The following DLEC1 variants were observed in gnomAD, a reference collection of about 807,000 sequenced individuals.
DLEC1 encodes the protein deleted in lung and esophageal cancer protein 1.
Under a neutral mutation model 198.1 loss-of-function variants are expected in DLEC1, and 146 were observed. The ratio of observed to expected loss-of-function variants is 0.74; its 90% CI spans 0.64 to 0.85. DLEC1 has a LOEUF of 0.85. Ranked by LOEUF, DLEC1 falls within the 40% of genes least tolerant of loss-of-function variation. The probability of loss-of-function intolerance (pLI) is 0.00; values close to 1 mark genes in which losing one functional copy is unlikely to be tolerated. For synonymous variants in DLEC1, 897 were observed against 866.8 expected, an observed-to-expected ratio of 1.03 and a Z score of -0.61; for missense variants, 2,233 against 2,220.0, an observed-to-expected ratio of 1.01 and a Z score of -0.12.
At chr3:38,063,232 A>C (rs1354239853) in intron 5 of DLEC1, among the ~76,000 whole-genome samples, 2 of 152,238 alleles carry the variant, frequency 1.3e-5, no homozygotes, top group Non-Finnish European at 2.9e-5. Context: ...TCATGGGTTC[A>C]TAATTTTAGT....
chr3:38,088,842 G>A (rs1408160260), intron 10 of DLEC1, among the ~76,000 whole-genome samples: 1 of 152,050 alleles, frequency 6.6e-6, no homozygotes, highest in Non-Finnish European at 1.5e-5. Flanking sequence ...GCCTCATCCT[G>A]AACCTCTGCA....
intron 19 of DLEC1, among the ~76,000 whole-genome samples, chr3:38,105,049 C>A (rs1333183917): frequency 6.6e-6 from 1 of 151,808 alleles, no homozygotes; most frequent in East Asian, 1.9e-4. Context: ...CTTGTGGTTT[C>A]TTATTTGACT....
At position 38,116,198 on chromosome 3, in the gene DLEC1, A is replaced by C. The variant is rs919953792; in HGVS notation, c.3857-255A>C. Among the ~76,000 whole-genome samples, 18 of 152,310 alleles carry C rather than the reference A, an allele frequency of 1.2e-4. No individual in the cohort carries two copies. In the East Asian group the frequency reaches 3.1e-3, roughly 26 times the overall value. ...GAGAGCAGAGCACCTGCATTCAGGC[A>C]TCTGGACATGGAGACCTGGTCTTGT... On this transcript the variant is annotated intron_variant, in intron 27 of 36. Coordinates refer to ENST00000308059, the MANE Select transcript of DLEC1 (RefSeq NM_007335.4).
intron 2 of DLEC1, among the ~76,000 whole-genome samples, chr3:38,059,218 T>A (rs1165398322): frequency 1.3e-5 from 2 of 152,212 alleles, no homozygotes; most frequent in Non-Finnish European, 2.9e-5. Context: ...AGGTCTGCTC[T>A]GGATTCCCCC....
At chr3:38,118,144 G>A (rs1286549921) in intron 33 of DLEC1, 120 bp downstream of exon 33, 8 of 1,114,940 alleles carry the variant, frequency 7.2e-6, no homozygotes, top group Middle Eastern at 3.0e-4. Flanking sequence ...GCCTGACCCT[G>A]CCATACCCTG....
rs1698489967 is a variant in DLEC1 at position 38,086,974 on chromosome 3, T to C, written c.1572+597T>C. On this transcript the variant is annotated intron_variant, in intron 9 of 36. Transcript: ENST00000308059. ...CTGTAGTCCCAGCTACTCAGGAGGC[T>C]GAGGAAGGAGAATCACTTGAACCCG... 3.3e-5 allele frequency among the ~76,000 whole-genome samples: 5 copies of C among 150,424 alleles called. No individual in the cohort carries two copies. The Admixed American group carries it at 3.3e-4, about 10-fold the overall frequency.
In DLEC1 at chr3:38,063,822, C is replaced by A. The variant is rs372927373; in HGVS notation, c.1095-19C>A. On this transcript the variant is annotated intron_variant, in intron 5 of 36. Coordinates refer to ENST00000308059, the MANE Select transcript of DLEC1 (RefSeq NM_007335.4). The stretch of plus-strand genomic sequence containing the variant: ...GATGAAACTAACAGCCTTTCTCCCC[C>A]TCTTTTTTCATCCCACAGTTGTGCT... 1 of 1,604,322 alleles carries A rather than the reference C, an allele frequency of 6.2e-7. No homozygotes were observed. Among genetic ancestry groups the A allele is most frequent in the Non-Finnish European group, 8.5e-7 (1 of 1,172,002 alleles).
Position 38,122,203 on chromosome 3 carries a change from C to G in DLEC1, c.5144+9C>G. On this transcript the variant is annotated intron_variant, in intron 36 of 36. Coordinates refer to ENST00000308059, the MANE Select transcript of DLEC1 (RefSeq NM_007335.4). ...GTTTTCTTCACTGCCAGGTGCAGCC[C>G]CTTCCAACCTTCCCCAAACTGCCCA... 2 of 1,612,564 alleles carry G rather than the reference C, an allele frequency of 1.2e-6. No individual in the cohort carries two copies. The highest frequency in any genetic ancestry group is 2.2e-5 in the East Asian group (1 of 44,846).
At chr3:38,098,421 A>G (rs1699143947) in intron 18 of DLEC1, among the ~76,000 whole-genome samples, 1 of 152,264 alleles carries the variant, frequency 6.6e-6, no homozygotes, top group Non-Finnish European at 1.5e-5. Flanking sequence ...AAAGCAGCTA[A>G]GTATTATCAT....
intron 13 of DLEC1, 191 bp downstream of exon 13, chr3:38,095,262 T>C: frequency 3.1e-6 from 2 of 647,560 alleles, no homozygotes; most frequent in Non-Finnish European, 5.2e-6. Context: ...TTTTGTCTGG[T>C]CCTGATCCCA....
At chr3:38,090,912 C>T (rs1175494149) in intron 10 of DLEC1, among the ~76,000 whole-genome samples, 1 of 152,178 alleles carries the variant, frequency 6.6e-6, no homozygotes, top group South Asian at 2.1e-4. Context: ...CTTATTACAT[C>T]TATACCCCTC....
intron 13 of DLEC1, 55 bp from the exon 14 acceptor site, chr3:38,095,833 A>G (rs1251955996): frequency 4.4e-6 from 7 of 1,608,914 alleles, no homozygotes; most frequent in Non-Finnish European, 6.0e-6. Context: ...AGCCTTCTCC[A>G]GGACAACCTG....
rs77908941 is a variant in DLEC1 at position 38,112,352 on chromosome 3, C to A, written c.3657C>A (p.Leu1219=). 155 of 1,614,080 alleles carry A rather than the reference C, an allele frequency of 9.6e-5. No homozygotes were observed. In the African/African-American group the frequency reaches 1.7e-3, roughly 18 times the overall value. ...ANMWGEYWDN[L]ICTVGDLLPE... is the part of the protein sequence containing the mutation. ...TGTGGGGCGAGTACTGGGACAACCTCATCTGCACGGTAAGGGTACACAAGA... is the reference window on the plus strand; with the variant it reads ...TGTGGGGCGAGTACTGGGACAACCTAATCTGCACGGTAAGGGTACACAAGA... Residue 1219 remains leucine, a synonymous_variant, in exon 25 of 37, where the codon CTC becomes CTA. Coordinates refer to ENST00000308059, the MANE Select transcript of DLEC1 (RefSeq NM_007335.4). The surrounding 1 kb of genome is among the most constrained non-coding windows in gnomAD (Gnocchi z 4.8).
Position 38,056,062 on chromosome 3 carries a change from T to TACACAC in DLEC1, c.563-3630_563-3625dup, listed in dbSNP as rs57610638. On this transcript the variant is annotated intron_variant, in intron 2 of 36. Coordinates refer to ENST00000308059, the MANE Select transcript of DLEC1 (RefSeq NM_007335.4). ...GGTGAAATCTGATCTCTACAAAAAATACACACACACACACACACACACACA... is the reference window on the plus strand; with the variant it reads ...GGTGAAATCTGATCTCTACAAAAAATACACACACACACACACACACACACACACACA... Among the ~76,000 whole-genome samples, 269 of 120,522 alleles carry TACACAC rather than the reference T, an allele frequency of 2.2e-3. 2 individuals are homozygous for TACACAC. The highest frequency in any genetic ancestry group is 5.5e-3 in the South Asian group (18 of 3,302). The allele number at this position is 120,522 out of a possible 152,430, so 79.1% of individuals were successfully genotyped here. A position where few individuals can be genotyped will look rare whatever the true frequency, so the allele number is the denominator to read the frequency against.
chr3:38,102,734 G>A (rs1471695001), intron 19 of DLEC1, among the ~76,000 whole-genome samples: 1 of 152,186 alleles, frequency 6.6e-6, no homozygotes, highest in Non-Finnish European at 1.5e-5. Flanking sequence ...CAGAGAAAGG[G>A]ACCTTTGGGG....
intron 3 of DLEC1, among the ~76,000 whole-genome samples, chr3:38,060,062 G>A (rs974761443): frequency 2.0e-5 from 3 of 152,328 alleles, no homozygotes; most frequent in East Asian, 1.9e-4. Flanking sequence ...TGAAGTCCAG[G>A]CTTCTCCATG....
At chr3:38,088,586 C>T (rs1698586408) in intron 10 of DLEC1, among the ~76,000 whole-genome samples, 198 bp downstream of exon 10, 1 of 152,158 alleles carries the variant, frequency 6.6e-6, no homozygotes. Context: ...AAAGCAAATG[C>T]AGATAGCCCT....
chr3:38,107,539 T>G (rs1174401624), intron 19 of DLEC1, 45 bp from the exon 20 acceptor site: 1 of 1,500,402 alleles, frequency 6.7e-7, no homozygotes, highest in Non-Finnish European at 9.0e-7. Context: ...ACAGCTTTAC[T>G]TCTTCTTTTC....
rs1011330409 is a variant in DLEC1, at chr3:38,122,646, C to T, written c.*234C>T. The T allele has an allele frequency of 6.7e-7, 1 of 1,493,254 alleles. No homozygotes were observed. Among genetic ancestry groups the T allele is most frequent in the African/African-American group, 1.4e-5 (1 of 71,604 alleles). 92.5% of individuals were successfully genotyped at this position (1,493,254 alleles called of 1,614,324 possible). On this transcript the variant is annotated 3_prime_UTR_variant, in exon 37 of 37. Coordinates refer to ENST00000308059, the MANE Select transcript of DLEC1 (RefSeq NM_007335.4). ...ACAGCAGAGACCACCACATTGAGAT[C>T]ACTACTCAGTGCATAGCGAAGACCA...
Sources: allele counts gnomAD v4.1 joint callset (sites outside exome capture counted in the v4.1 genomes callset), GRCh38; gene constraint gnomAD v4.1.1; non-coding constraint Gnocchi (gnomAD v3.1); transcripts MANE v1.5; gene names NCBI Gene and HGNC (gene_info 2026-07-23, HGNC 2026-07-21).